Variants in CLTCL1 observed in about 807,000 individuals in gnomAD.
The protein encoded by CLTCL1 is clathrin heavy chain like 1.
A neutral mutation model predicts 190.0 loss-of-function variants in CLTCL1; 159 were observed. That is an observed-to-expected ratio of 0.84 (90% CI 0.74 to 0.95). The LOEUF (loss-of-function observed/expected upper bound fraction) is 0.95, where lower values mean the gene tolerates loss of function less well. Among genes scored for constraint, CLTCL1 ranks in the 40% least tolerant of loss-of-function variants. CLTCL1 has a pLI of 0.00. For synonymous variants in CLTCL1, 752 were observed against 769.6 expected, an observed-to-expected ratio of 0.98 and a Z score of 0.38; for missense variants, 1,878 against 2,033.4, an observed-to-expected ratio of 0.92 and a Z score of 1.47.
At chr22:19,209,170 C>G in intron 20 of CLTCL1, 56 bp from the exon 21 acceptor site, 5 of 1,467,776 alleles carry the variant, frequency 3.4e-6, no homozygotes, top group Non-Finnish European at 3.7e-6. Context: ...CTCCAAAAAA[C>G]AGACACATTT....
chr22:19,220,658 G>A (rs1009533705), intron 17 of CLTCL1, among the ~76,000 whole-genome samples: 1 of 152,228 alleles, frequency 6.6e-6, no homozygotes, highest in Non-Finnish European at 1.5e-5. Context: ...CCGGCACAAG[G>A]CTGAGCGGCG....
intron 2 of CLTCL1, among the ~76,000 whole-genome samples, chr22:19,272,659 G>T (rs1368115612): frequency 6.6e-6 from 1 of 151,908 alleles, no homozygotes; most frequent in African/African-American, 2.4e-5. Context: ...TTAGTAGAGA[G>T]GAGGTTACTC....
chr22:19,224,501 G>C (rs1350314725), intron 13 of CLTCL1, among the ~76,000 whole-genome samples: 3 of 152,104 alleles, frequency 2.0e-5, no homozygotes, highest in Non-Finnish European at 4.4e-5. Flanking sequence ...TGAGCCCCAG[G>C]GTGAGCCCCA....
At chr22:19,183,159 G>A (rs782116329) in intron 30 of CLTCL1, 2 of 520,388 alleles carry the variant, frequency 3.8e-6, no homozygotes, top group Non-Finnish European at 7.0e-6. Context: ...TCTACAGGAG[G>A]GCTGCTGCCA....
intron 2 of CLTCL1, chr22:19,258,577 C>G: frequency 1.7e-6 from 1 of 604,734 alleles, no homozygotes; most frequent in Admixed American, 2.1e-5. Context: ...CAGACCTGGG[C>G]AGAGGGACAG....
chr22:19,243,102 T>G (rs807464), intron 3 of CLTCL1, among the ~76,000 whole-genome samples, 166 bp from the exon 4 acceptor site: 10,831 of 152,232 alleles, frequency 0.071, 474 homozygotes, highest in Middle Eastern at 0.17. Context: ...CTCTGAATTT[T>G]ATGTGGAAAG....
chr22:19,210,849 T>C (rs1555946329), intron 19 of CLTCL1, among the ~76,000 whole-genome samples: 1 of 152,182 alleles, frequency 6.6e-6, no homozygotes, highest in Non-Finnish European at 1.5e-5. Context: ...ATTATAGCTT[T>C]ATCACATCTA....
rs2084121071 is a variant in CLTCL1 at position 19,181,080 on chromosome 22, A to G, written c.4828-274T>C. ...GTGGGCACTGGGGCAGTCAGTTGTT[A>G]CAGGCTGTGCATGTGGCCTGCTTAT... On this transcript the variant is annotated intron_variant, in intron 30 of 32. Transcript: ENST00000427926. 3 of 511,388 alleles carry G rather than the reference A, an allele frequency of 5.9e-6. No individual in the cohort carries two copies. In the South Asian group the frequency reaches 7.3e-5, roughly 12 times the overall value. The allele number at this position is 511,388 out of a possible 1,614,324, so 31.7% of individuals were successfully genotyped here.
rs2085665697 is a variant in CLTCL1, at chr22:19,224,160, C to T, written c.2129-106G>A. The T allele has an allele frequency of 3.6e-6, 4 of 1,113,598 alleles. No homozygotes were observed. The Admixed American group carries it at 6.3e-5, about 18-fold the overall frequency. 69.0% of individuals were successfully genotyped at this position (1,113,598 alleles called of 1,614,324 possible). A position where few individuals can be genotyped will look rare whatever the true frequency, so the allele number is the denominator to read the frequency against. ...GACCCTGCTCCACTCTCCAGGGACC[C>T]ACAGCACACTCAGAACTCATAATCA... is the stretch of plus-strand genomic sequence containing the variant. On this transcript the variant is annotated intron_variant, in intron 13 of 32. Transcript: ENST00000427926.
chr22:19,183,676 G>A (rs1555926994), intron 29 of CLTCL1, 65 bp from the exon 30 acceptor site: 1 of 1,521,002 alleles, frequency 6.6e-7, no homozygotes, highest in Non-Finnish European at 9.0e-7. Flanking sequence ...TGCAGCAGCT[G>A]GGCCGGAGGG....
rs1235345625 is a variant in CLTCL1, at chr22:19,220,076, C to A, written c.2797-69G>T. 8 of 1,596,324 alleles carry A rather than the reference C, an allele frequency of 5.0e-6. No individual in the cohort carries two copies. In the African/African-American group the frequency reaches 8.0e-5, roughly 16 times the overall value. Reference sequence around the variant, plus strand: ...CGGAAGCTGCTTGGGAGGACACACCCCAATTCGTTCCCTGTGTGCCTGATA... The same window carrying A: ...CGGAAGCTGCTTGGGAGGACACACCACAATTCGTTCCCTGTGTGCCTGATA... On this transcript the variant is annotated intron_variant, in intron 17 of 32. Transcript: ENST00000427926.
chr22:19,248,331 T>C (rs1248211226), intron 3 of CLTCL1, among the ~76,000 whole-genome samples: 4 of 152,136 alleles, frequency 2.6e-5, no homozygotes, highest in African/African-American at 9.7e-5. Context: ...TTTGCAATTT[T>C]TGTTTTTAGC....
In CLTCL1 at chr22:19,183,440, C is replaced by T. The variant is rs1555926752; in HGVS notation, c.4777G>A (p.Asp1593Asn). 19 of 1,613,662 alleles carry T rather than the reference C, an allele frequency of 1.2e-5. No homozygotes were observed. The highest frequency in any genetic ancestry group is 1.6e-5 in the Non-Finnish European group (19 of 1,179,894). The change falls in exon 30 of 33, where the codon GAC becomes AAC. Residue 1593 changes from aspartate to asparagine, a missense_variant. Transcript: ENST00000427926. ...TGGATGAAGTAGGGCATGGCCAAGT[C>T]CACGAGGTTGTGCCTCCAGGCCAGC... Reference protein sequence around the residue: ...LELAWRHNLVDLAMPYFIQVM... With the variant: ...LELAWRHNLVNLAMPYFIQVM...
chr22:19,286,709 T>C (rs148653124), intron 1 of CLTCL1, among the ~76,000 whole-genome samples: 288 of 152,280 alleles, frequency 1.9e-3, no homozygotes, highest in African/African-American at 6.6e-3. Flanking sequence ...ATGATTAATA[T>C]TGACTAACAT....
chr22:19,202,458 CG>C (rs1569164020), intron 22 of CLTCL1, among the ~76,000 whole-genome samples: 162 of 151,576 alleles, frequency 1.1e-3, no homozygotes, highest in Middle Eastern at 3.5e-3. Flanking sequence ...CGGCACCTCC[CG>C]CACCACCCCT....
chr22:19,258,420 C>G (rs1276060499), intron 2 of CLTCL1: 1 of 398,720 alleles, frequency 2.5e-6, no homozygotes, highest in African/African-American at 2.1e-5. Flanking sequence ...GCTGAGATGT[C>G]CAGTCCAGTC....
chr22:19,277,620 CA>C (rs2087561956), intron 1 of CLTCL1, among the ~76,000 whole-genome samples: 2 of 152,186 alleles, frequency 1.3e-5, no homozygotes, highest in Non-Finnish European at 2.9e-5. Flanking sequence ...AAAGTCCCTT[CA>C]TGTTCCAACG....
Position 19,291,635 on chromosome 22 carries a change from G to C in CLTCL1, c.7C>G (p.Gln3Glu). The change falls in exon 1 of 33, where the codon CAG (glutamine) becomes GAG (glutamate). Residue 3 changes from glutamine (Q) to glutamate (E), a missense_variant. Transcript: ENST00000427926. Reference protein sequence around the residue: MAQILPVRFQEHF... With the variant: MAEILPVRFQEHF... ...TCCTGAAAGCGAACAGGGAGGATCTGCGCCATGGCTGGTGCGGGACCTCGG... is the reference window on the plus strand; with the variant it reads ...TCCTGAAAGCGAACAGGGAGGATCTCCGCCATGGCTGGTGCGGGACCTCGG... 2.9e-6 allele frequency: 4 copies of C among 1,401,916 alleles called. No individual in the cohort carries two copies. The highest frequency in any genetic ancestry group is 3.8e-6 in the Non-Finnish European group (4 of 1,063,794). 86.8% of individuals were successfully genotyped at this position (1,401,916 alleles called of 1,614,324 possible).
intron 1 of CLTCL1, among the ~76,000 whole-genome samples, chr22:19,289,014 C>T (rs1297906152): frequency 2.6e-5 from 4 of 152,226 alleles, no homozygotes; most frequent in Admixed American, 2.0e-4. Context: ...GACGGAGTCT[C>T]GGTCTGTTAC....
Sources: gnomAD v4.1 joint callset for allele counts (sites outside exome capture counted in the v4.1 genomes callset) on GRCh38, gnomAD v4.1.1 for gene constraint, MANE v1.5 for transcripts, NCBI Gene and HGNC (gene_info 2026-07-23, HGNC 2026-07-21) for gene names.